C2orf72: variants seen among roughly 807,000 people sequenced by gnomAD.
The protein encoded by C2orf72 is chromosome 2 open reading frame 72.
Under a neutral mutation model 14.4 loss-of-function variants are expected in C2orf72, and 16 were observed. The ratio of observed to expected loss-of-function variants is 1.11; its 90% CI spans 0.75 to 1.69. The LOEUF is 1.69. Ranked by LOEUF, C2orf72 falls within the 40% of genes most tolerant of loss-of-function variation. C2orf72 has a pLI of 0.00. For missense variants in C2orf72, 371 were observed against 358.3 expected, an observed-to-expected ratio of 1.04 and a Z score of -0.29; for synonymous variants, 168 against 176.8, an observed-to-expected ratio of 0.95 and a Z score of 0.40.
rs1356357162 is a variant in C2orf72, at chr2:231,038,099, C to G, written c.534C>G (p.Pro178=). 24 of 1,153,656 alleles carry G rather than the reference C, an allele frequency of 2.1e-5. No homozygotes were observed. Among genetic ancestry groups the G allele is most frequent in the South Asian group, 4.2e-5 (1 of 23,678 alleles). 71.5% of individuals were successfully genotyped at this position (1,153,656 alleles called of 1,614,324 possible). A position where few individuals can be genotyped will look rare whatever the true frequency, so the allele number is the denominator to read the frequency against. The change falls in exon 1 of 3, where the codon CCC becomes CCG. Residue 178 remains proline, a synonymous_variant. Transcript: ENST00000373640. ...RAVFGRQAGG[P]VQAAAYCPGL... is the part of the protein sequence containing the mutation. ...TGTTCGGCCGCCAGGCGGGGGGGCC[C>G]GTGCAGGCGGCCGCCTACTGCCCCG...
chr2:231,046,320 G>C (rs903782423), intron 2 of C2orf72, among the ~76,000 whole-genome samples: 5 of 151,642 alleles, frequency 3.3e-5, no homozygotes, highest in Non-Finnish European at 5.9e-5. Context: ...GTGTGTGTGT[G>C]TGTGTGTGTG....
intron 1 of C2orf72, among the ~76,000 whole-genome samples, chr2:231,039,530 G>A (rs1693312723): frequency 6.6e-6 from 1 of 152,084 alleles, no homozygotes; most frequent in Non-Finnish European, 1.5e-5. Context: ...CCAGCAAGGA[G>A]ACCTGTCACC....
intron 1 of C2orf72, among the ~76,000 whole-genome samples, chr2:231,039,296 A>C (rs573532845): frequency 1.3e-5 from 2 of 149,458 alleles, no homozygotes; most frequent in South Asian, 4.3e-4. Flanking sequence ...CACGTTGTGC[A>C]CATGTACCCT....
In C2orf72 at chr2:231,041,338, C is replaced by G. The variant is rs943604398; in HGVS notation, c.677C>G (p.Ala226Gly). 6.4e-7 allele frequency: 1 copy of G among 1,551,424 alleles called. No homozygotes were observed. The highest frequency in any genetic ancestry group is 1.4e-5 in the African/African-American group (1 of 73,022). ...AGGCCAGGCCTCCCCGGACTGCTAG[C>G]CTGCTTTTCCTGGGGTCCCTGGAGC... is the stretch of plus-strand genomic sequence containing the variant. ...WERPGLPGLL[A>G]CFSWGPWSRR... Residue 226 changes from alanine to glycine, a missense_variant, in exon 2 of 3, where the codon GCC (alanine) becomes GGC (glycine). Ala to Gly is a moderately conservative substitution (Grantham distance 60). Around this residue, in one of 3 missense-constraint regions of C2orf72, gnomAD observed 145 missense variants for 149.4 expected, o/e 0.97. Coordinates refer to ENST00000373640, the MANE Select transcript of C2orf72 (RefSeq NM_001144994.2).
chr2:231,046,916 A>G lies in C2orf72; in HGVS notation c.783A>G (p.Leu261=), dbSNP rs949616953. The G allele has an allele frequency of 2.0e-4, 315 of 1,551,516 alleles. No individual in the cohort carries two copies. Among genetic ancestry groups the G allele is most frequent in the Non-Finnish European group, 2.6e-4 (300 of 1,146,936 alleles). Residue 261 remains leucine (L), a synonymous_variant, in exon 3 of 3, where the codon CTA becomes CTG. Transcript: ENST00000373640. The part of the protein sequence containing the change: ...DFQEPEEELP[L]TAIFPNGDCD... ...AGGAACCTGAGGAGGAGCTGCCACT[A>G]ACAGCCATATTTCCCAATGGAGACT...
rs1693425663 is a variant in C2orf72 at position 231,046,971 on chromosome 2, T to C, written c.838T>C (p.Cys280Arg). The change falls in exon 3 of 3, where the codon TGT becomes CGT. Residue 280 changes from cysteine to arginine, a missense_variant. Transcript: ENST00000373640. ...TGACCTTGGAAGGGGGTCAAAAGCC[T>C]GTGATGGAGTCGTACACACTCCTGC... ...CDDLGRGSKA[C>R]DGVVHTPAEP... 1 of 1,551,494 alleles carries C rather than the reference T, an allele frequency of 6.4e-7. No individual in the cohort carries two copies. Among genetic ancestry groups the C allele is most frequent in the Non-Finnish European group, 8.7e-7 (1 of 1,146,998 alleles).
intron 2 of C2orf72, among the ~76,000 whole-genome samples, chr2:231,044,945 T>TTATATATATATATATATATATATATA (rs58611878): frequency 7.2e-4 from 102 of 141,612 alleles, no homozygotes; most frequent in African/African-American, 2.0e-3. Context: ...ATATATATCT[T>TTATATATATATATATATATATATATA]TATATATATA....
At chr2:231,041,529 G>A (rs1237606528) in intron 2 of C2orf72, 120 bp downstream of exon 2, 2 of 699,066 alleles carry the variant, frequency 2.9e-6, no homozygotes, top group Non-Finnish European at 4.7e-6. Context: ...TGCTTGCCAT[G>A]TGCCAGGTGT....
At chr2:231,042,688 A>G (rs1693359282) in intron 2 of C2orf72, among the ~76,000 whole-genome samples, 2 of 152,240 alleles carry the variant, frequency 1.3e-5, no homozygotes, top group African/African-American at 4.8e-5. Flanking sequence ...TTGATGTGTC[A>G]GTCTTCATTG....
In C2orf72 at chr2:231,046,989, A is replaced by G. The variant is rs1340189045; in HGVS notation, c.856A>G (p.Thr286Ala). Residue 286 changes from threonine (T) to alanine (A), a missense_variant, in exon 3 of 3, where the codon ACT becomes GCT. Coordinates refer to ENST00000373640, the MANE Select transcript of C2orf72 (RefSeq NM_001144994.2). ...AAAAGCCTGTGATGGAGTCGTACAC[A>G]CTCCTGCTGAGCCCACCGGAGACTC... The part of the protein sequence containing the change: ...GSKACDGVVH[T>A]PAEPTGDSR 1 of 1,551,254 alleles carries G rather than the reference A, an allele frequency of 6.4e-7. No homozygotes were observed. Among genetic ancestry groups the G allele is most frequent in the Non-Finnish European group, 8.7e-7 (1 of 1,146,900 alleles).
chr2:231,041,613 C>G (rs796999875), intron 2 of C2orf72, among the ~76,000 whole-genome samples: 3 of 152,150 alleles, frequency 2.0e-5, no homozygotes, highest in African/African-American at 7.2e-5. Context: ...GCTCTTTCCC[C>G]AGGAGTCTCC....
chr2:231,039,012 C>A (rs1693302510), intron 1 of C2orf72, among the ~76,000 whole-genome samples: 2 of 152,108 alleles, frequency 1.3e-5, no homozygotes, highest in African/African-American at 4.8e-5. Context: ...TACAGGAACT[C>A]TCCAATGTTC....
At chr2:231,045,757 A>G (rs182034815) in intron 2 of C2orf72, among the ~76,000 whole-genome samples, 1 of 152,150 alleles carries the variant, frequency 6.6e-6, no homozygotes, top group Non-Finnish European at 1.5e-5. Flanking sequence ...TGACCTCGTG[A>G]TCTGTCCGCC....
At chr2:231,041,431 G>A (rs1467322680) in intron 2 of C2orf72, 22 bp downstream of exon 2, 1 of 1,511,868 alleles carries the variant, frequency 6.6e-7, no homozygotes, top group Non-Finnish European at 9.0e-7. Flanking sequence ...CCGACCTCCT[G>A]CATCCTGAGG....
rs1693427729 is a variant in C2orf72, at chr2:231,047,057, A to G, written c.*36A>G. 2.1e-5 allele frequency: 32 copies of G among 1,551,260 alleles called. No individual in the cohort carries two copies. Among genetic ancestry groups the G allele is most frequent in the Non-Finnish European group, 2.7e-5 (31 of 1,146,840 alleles). On this transcript the variant is annotated 3_prime_UTR_variant, in exon 3 of 3. Coordinates refer to ENST00000373640, the MANE Select transcript of C2orf72 (RefSeq NM_001144994.2). ...CTTGCGCTGTCCCTGGCTCTAACCT[A>G]CAGACTGGGGCCTGGCTCCGTCTTA...
At chr2:231,043,912 T>C (rs941927725) in intron 2 of C2orf72, among the ~76,000 whole-genome samples, 1 of 152,034 alleles carries the variant, frequency 6.6e-6, no homozygotes, top group Non-Finnish European at 1.5e-5. Flanking sequence ...CACGATAGAG[T>C]GTACTTAGAA....
At chr2:231,046,765 T>C (rs1375025783) in intron 2 of C2orf72, 117 bp from the exon 3 acceptor site, 2 of 1,029,338 alleles carry the variant, frequency 1.9e-6, no homozygotes, top group East Asian at 5.3e-5. Flanking sequence ...TTGATATGTA[T>C]TTTGTTTTGT....
At position 231,041,429 on chromosome 2, in the gene C2orf72, C is replaced by T. The variant is rs1309465137; in HGVS notation, c.748+20C>T. 2.0e-6 allele frequency: 3 copies of T among 1,525,848 alleles called. No homozygotes were observed. The highest frequency in any genetic ancestry group is 2.8e-5 in the African/African-American group (2 of 72,470). 94.5% of individuals were successfully genotyped at this position (1,525,848 alleles called of 1,614,324 possible). On this transcript the variant is annotated intron_variant, in intron 2 of 2. Coordinates refer to ENST00000373640, the MANE Select transcript of C2orf72 (RefSeq NM_001144994.2). ...CTCAGGGTGAGTGCTCCCCGACCTC[C>T]TGCATCCTGAGGGCCAGGTGCATGG...
chr2:231,047,203 C>A lies in C2orf72; in HGVS notation c.*182C>A, dbSNP rs1184523779. On this transcript the variant is annotated 3_prime_UTR_variant, in exon 3 of 3. Coordinates refer to ENST00000373640, the MANE Select transcript of C2orf72 (RefSeq NM_001144994.2). ...ACAAGCAGGACCTAAAACAGTGTCTCCCCTGGGAACCTACTCCCCACCCAG... is the reference window on the plus strand; with the variant it reads ...ACAAGCAGGACCTAAAACAGTGTCTACCCTGGGAACCTACTCCCCACCCAG... 1 of 751,800 alleles carries A rather than the reference C, an allele frequency of 1.3e-6. No homozygotes were observed. The highest frequency in any genetic ancestry group is 2.0e-5 in the Admixed American group (1 of 49,750). 46.6% of individuals were successfully genotyped at this position (751,800 alleles called of 1,614,324 possible). A position where few individuals can be genotyped will look rare whatever the true frequency, so the allele number is the denominator to read the frequency against.
Sources: gnomAD v4.1 joint callset for allele counts (sites outside exome capture counted in the v4.1 genomes callset) on GRCh38, gnomAD v4.1.1 for gene constraint, gnomAD v4.1.1 regional missense constraint, MANE v1.5 for transcripts, NCBI Gene and HGNC (gene_info 2026-07-23, HGNC 2026-07-21) for gene names.